SLCO1A2: variants seen among roughly 807,000 people sequenced by gnomAD.
The protein encoded by SLCO1A2 is solute carrier organic anion transporter family member 1A2, also known as OATP-1.
SLCO1A2 carries 67 observed loss-of-function variants against 69.0 expected under a neutral mutation model. The observed-to-expected ratio is 0.97, with a 90% CI of 0.80 to 1.19. The LOEUF is 1.19. Among genes scored for constraint, SLCO1A2 ranks in the 50% most tolerant of loss-of-function variants. The pLI, the probability that SLCO1A2 is intolerant of heterozygous loss-of-function variation, is 0.00. For missense variants in SLCO1A2, 787 were observed against 793.7 expected, an observed-to-expected ratio of 0.99 and a Z score of 0.10; for synonymous variants, 260 against 265.9, an observed-to-expected ratio of 0.98 and a Z score of 0.22.
intron 2 of SLCO1A2, among the ~76,000 whole-genome samples, chr12:21,320,483 T>C (rs909595815): frequency 3.3e-5 from 5 of 152,014 alleles, no homozygotes; most frequent in African/African-American, 7.2e-5. Flanking sequence ...CTCTCTCTCT[T>C]TTTTGTTTTG....
chr12:21,357,386 A>G (rs1458387158), intron 2 of SLCO1A2, among the ~76,000 whole-genome samples: 2 of 152,208 alleles, frequency 1.3e-5, no homozygotes, highest in Non-Finnish European at 2.9e-5. Flanking sequence ...GCAAACTACC[A>G]GAAGCTAGAA....
At chr12:21,412,258 G>A (rs1452164962) in intron 1 of SLCO1A2, among the ~76,000 whole-genome samples, 2 of 152,006 alleles carry the variant, frequency 1.3e-5, no homozygotes, top group Non-Finnish European at 2.9e-5. Flanking sequence ...GCGGGCGCCT[G>A]TAGTCCCTGC....
chr12:21,398,553 C>T (rs1462545565), upstream of SLCO1A2, among the ~76,000 whole-genome samples: 1 of 151,822 alleles, frequency 6.6e-6, no homozygotes, highest in Non-Finnish European at 1.5e-5. Flanking sequence ...GATACCAAAG[C>T]CAGGCAGAGA....
chr12:21,351,157 A>G (rs998170785), intron 2 of SLCO1A2, among the ~76,000 whole-genome samples: 2 of 152,188 alleles, frequency 1.3e-5, no homozygotes, highest in East Asian at 1.9e-4. Context: ...TGAGTAAATA[A>G]GAAGTTAGCA....
chr12:21,282,446 A>G (rs530752586), intron 12 of SLCO1A2, among the ~76,000 whole-genome samples: 2 of 152,250 alleles, frequency 1.3e-5, no homozygotes, highest in South Asian at 4.1e-4. Context: ...GGCTCAACAT[A>G]ATAAAGGCCA....
intron 2 of SLCO1A2, among the ~76,000 whole-genome samples, chr12:21,363,982 G>C (rs547023958): frequency 6.6e-6 from 1 of 152,276 alleles, no homozygotes; most frequent in South Asian, 2.1e-4. Context: ...AGAGGAGCTG[G>C]TACCATTCCT....
chr12:21,410,540 C>A (rs765613115), intron 1 of SLCO1A2, among the ~76,000 whole-genome samples: 1 of 152,218 alleles, frequency 6.6e-6, no homozygotes, highest in South Asian at 2.1e-4. Context: ...CTTTAATGAG[C>A]TTTTGGATTG....
intron 12 of SLCO1A2, among the ~76,000 whole-genome samples, chr12:21,276,577 T>C (rs888995869): frequency 1.3e-5 from 2 of 148,290 alleles, no homozygotes; most frequent in African/African-American, 5.1e-5. Flanking sequence ...TTTGTAAGAA[T>C]GAAAAATCAG....
intron 1 of SLCO1A2, among the ~76,000 whole-genome samples, chr12:21,394,266 A>T (rs1941307918): frequency 6.6e-6 from 1 of 152,128 alleles, no homozygotes; most frequent in Non-Finnish European, 1.5e-5. Context: ...GGGTCAGTGC[A>T]GTGGGCTGTG....
At chr12:21,374,819 G>GTGTCTC (rs1940072460) in intron 1 of SLCO1A2, among the ~76,000 whole-genome samples, 1 of 148,266 alleles carries the variant, frequency 6.7e-6, no homozygotes, top group African/African-American at 2.5e-5. Context: ...TTGAGACAGG[G>GTGTCTC]TCTCTCTCTC....
chr12:21,354,755 AC>A (rs969723765), intron 2 of SLCO1A2, among the ~76,000 whole-genome samples: 45 of 152,206 alleles, frequency 3.0e-4, no homozygotes, highest in Admixed American at 2.2e-3. Flanking sequence ...ACTCATAACA[AC>A]CTTTCTTTCT....
At chr12:21,334,049 T>G (rs11045981) in intron 2 of SLCO1A2, among the ~76,000 whole-genome samples, 13,768 of 152,026 alleles carry the variant, frequency 0.091, 870 homozygotes, top group Non-Finnish European at 0.13. Flanking sequence ...TGTTTGAATA[T>G]AAATGACTTT....
At chr12:21,337,407 A>G (rs1952929603), upstream of SLCO1A2, among the ~76,000 whole-genome samples, 1 of 152,048 alleles carries the variant, frequency 6.6e-6, no homozygotes, top group East Asian at 1.9e-4. Flanking sequence ...TCAACTGGGA[A>G]AAAATGCTTG....
intron 1 of SLCO1A2, among the ~76,000 whole-genome samples, chr12:21,386,348 A>G (rs1180319865): frequency 1.3e-5 from 2 of 152,154 alleles, no homozygotes; most frequent in Admixed American, 6.5e-5. Context: ...GCATATAACA[A>G]TCCCTAGTGA....
chr12:21,400,772 C>T (rs1413845043), intron 1 of SLCO1A2, among the ~76,000 whole-genome samples: 1 of 148,538 alleles, frequency 6.7e-6, no homozygotes, highest in African/African-American at 2.5e-5. Flanking sequence ...TAAACTATCG[C>T]AAGAACAAAA....
At chr12:21,314,447 G>T in intron 4 of SLCO1A2, 102 bp downstream of exon 4, 1 of 1,245,888 alleles carries the variant, frequency 8.0e-7, no homozygotes, top group Non-Finnish European at 1.2e-6. Context: ...CCATTACAGT[G>T]CCCTATGCTG....
chr12:21,379,499 A>G (rs1354402584), intron 1 of SLCO1A2: 1 of 152,224 alleles, frequency 6.6e-6, no homozygotes, highest in Non-Finnish European at 1.5e-5. Context: ...TTTGCTGTAT[A>G]AGAATTATTT....
At chr12:21,283,035 A>C (rs1490495122) in intron 12 of SLCO1A2, among the ~76,000 whole-genome samples, 1 of 152,184 alleles carries the variant, frequency 6.6e-6, no homozygotes, top group Non-Finnish European at 1.5e-5. Flanking sequence ...ATTTCTATCA[A>C]TAAACCAATG....
intron 2 of SLCO1A2, chr12:21,373,064 T>C (rs1939916822): frequency 2.5e-6 from 1 of 396,870 alleles, no homozygotes; most frequent in South Asian, 3.3e-5. Context: ...ACACTTGGTG[T>C]TAAATTCATG....
Sources: gnomAD v4.1 joint callset for allele counts (sites outside exome capture counted in the v4.1 genomes callset) on GRCh38, gnomAD v4.1.1 for gene constraint, MANE v1.5 for transcripts, NCBI Gene and HGNC (gene_info 2026-07-23, HGNC 2026-07-21) for gene names.